The following GPATCH2 variants were observed in gnomAD, a reference collection of about 807,000 sequenced individuals.
The protein encoded by GPATCH2 is G patch domain-containing protein 2.
A neutral mutation model predicts 58.0 loss-of-function variants in GPATCH2; 51 were observed. The observed-to-expected ratio is 0.88, with a 90% CI of 0.70 to 1.11. The LOEUF (loss-of-function observed/expected upper bound fraction) is 1.11. Ranked by LOEUF, GPATCH2 falls within the 50% of genes most tolerant of loss-of-function variation. GPATCH2 has a pLI of 0.00. For synonymous variants in GPATCH2, 222 were observed against 218.5 expected, an observed-to-expected ratio of 1.02 and a Z score of -0.14; for missense variants, 625 against 652.2, an observed-to-expected ratio of 0.96 and a Z score of 0.45.
In GPATCH2 at chr1:217,431,236, G is replaced by T; in HGVS notation, c.1496C>A (p.Ala499Asp). ...DGKGISEPIQ[A>D]MQRPKGLGLG... is the part of the protein sequence containing the mutation. ...TCCTAATCCCTTTGGCCTCTGCATGGCTTGAATTGGCTCAGAGATCCCCTT... is the reference window on the plus strand; with the variant it reads ...TCCTAATCCCTTTGGCCTCTGCATGTCTTGAATTGGCTCAGAGATCCCCTT... The change falls in exon 10 of 10, where the codon GCC becomes GAC. Residue 499 changes from alanine (A) to aspartate (D), a missense_variant. Transcript: ENST00000366935. The T allele has an allele frequency of 5.0e-6, 8 of 1,610,008 alleles. No individual in the cohort carries two copies. The highest frequency in any genetic ancestry group is 6.8e-6 in the Non-Finnish European group (8 of 1,176,228).
chr1:217,449,517 T>C (rs544933361), intron 8 of GPATCH2, among the ~76,000 whole-genome samples, 180 bp from the exon 9 acceptor site: 1 of 152,346 alleles, frequency 6.6e-6, no homozygotes, highest in Non-Finnish European at 1.5e-5. Context: ...GTTCAGCAGC[T>C]AAATGCGCCA....
At chr1:217,443,401 C>T (rs1011109085) in intron 9 of GPATCH2, among the ~76,000 whole-genome samples, 10 of 152,054 alleles carry the variant, frequency 6.6e-5, no homozygotes, top group African/African-American at 7.2e-5. Flanking sequence ...AGTTTGCTAC[C>T]GGTACAATTT....
At chr1:217,612,766 G>T (rs1336578881) in intron 3 of GPATCH2, among the ~76,000 whole-genome samples, 2 of 152,082 alleles carry the variant, frequency 1.3e-5, no homozygotes, top group African/African-American at 4.8e-5. Flanking sequence ...CATTGATTAA[G>T]AACTTGCTCT....
chr1:217,583,496 G>C (rs1399549737), intron 5 of GPATCH2, among the ~76,000 whole-genome samples: 1 of 150,830 alleles, frequency 6.6e-6, no homozygotes, highest in Non-Finnish European at 1.5e-5. Flanking sequence ...GCATGAACCT[G>C]GGAGGCAGAG....
Position 217,611,034 on chromosome 1 carries a change from T to C in GPATCH2, c.873A>G (p.Glu291=), listed in dbSNP as rs377688082. 2.0e-4 allele frequency: 326 copies of C among 1,613,606 alleles called. No individual in the cohort carries two copies. Among genetic ancestry groups the C allele is most frequent in the Non-Finnish European group, 2.7e-4 (315 of 1,179,774 alleles). Residue 291 remains glutamate (E), a synonymous_variant, in exon 4 of 10, where the codon GAA becomes GAG. Transcript: ENST00000366935. ...CAGTGATACCACATGCTCCACCTGA[T>C]TCCTTTTCGTAGAACCAGTCACTCT... ...DEQSDWFYEK[E]SGGACGITGV...
chr1:217,609,236 C>A (rs1571647961), intron 5 of GPATCH2: 19 of 983,958 alleles, frequency 1.9e-5, no homozygotes, highest in Non-Finnish European at 2.3e-5. Flanking sequence ...TGAGCTCATG[C>A]AAGTATTTCT....
At chr1:217,465,648 A>G (rs1453568271) in intron 8 of GPATCH2, among the ~76,000 whole-genome samples, 2 of 152,164 alleles carry the variant, frequency 1.3e-5, no homozygotes, top group African/African-American at 4.8e-5. Flanking sequence ...TGCCGCCAAC[A>G]TGTAAGAACT....
intron 8 of GPATCH2, among the ~76,000 whole-genome samples, chr1:217,462,513 C>CA (rs1348455277): frequency 2.1e-4 from 31 of 148,006 alleles, no homozygotes; most frequent in Admixed American, 8.0e-4. Flanking sequence ...GACTAAAAAA[C>CA]AAAAAAAAGA....
chr1:217,534,248 T>C (rs1310363470), intron 5 of GPATCH2, among the ~76,000 whole-genome samples: 1 of 151,956 alleles, frequency 6.6e-6, no homozygotes, highest in African/African-American at 2.4e-5. Context: ...ATAAAAAGAT[T>C]CTTACAGTTC....
chr1:217,491,045 G>C, intron 8 of GPATCH2, among the ~76,000 whole-genome samples: 1 of 152,170 alleles, frequency 6.6e-6, no homozygotes, highest in Non-Finnish European at 1.5e-5. Flanking sequence ...GCTGAGGTCA[G>C]TTATCTGTTC....
At chr1:217,623,088 A>G (rs1669277451) in intron 1 of GPATCH2, among the ~76,000 whole-genome samples, 1 of 152,176 alleles carries the variant, frequency 6.6e-6, no homozygotes, top group Non-Finnish European at 1.5e-5. Context: ...CTCTGAATAT[A>G]ATATTGCACC....
intron 7 of GPATCH2, among the ~76,000 whole-genome samples, chr1:217,493,483 G>C (rs976214715): frequency 3.3e-5 from 5 of 151,992 alleles, no homozygotes; most frequent in Non-Finnish European, 7.4e-5. Context: ...TTCATGCACT[G>C]TGTCTGGAGC....
chr1:217,619,968 A>T lies in GPATCH2; in HGVS notation c.588T>A (p.Asp196Glu), dbSNP rs775211320. 6 of 1,613,982 alleles carry T rather than the reference A, an allele frequency of 3.7e-6. No individual in the cohort carries two copies. The highest frequency in any genetic ancestry group is 5.1e-6 in the Non-Finnish European group (6 of 1,179,978). ...TAAATTCTTGATACTGGTAGGCTCT[A>T]TCACTGTCCATGTCCTGATCTCTAC... The part of the protein sequence containing the change: ...EGCRDQDMDS[D>E]RAYQYQEFTK... The change falls in exon 2 of 10, where the codon GAT becomes GAA. Residue 196 changes from aspartate (D) to glutamate (E), a missense_variant. Asp to Glu is a conservative substitution (Grantham distance 45, BLOSUM62 2). Coordinates refer to ENST00000366935, the MANE Select transcript of GPATCH2 (RefSeq NM_018040.5).
chr1:217,573,071 T>C (rs1394972337), intron 5 of GPATCH2, among the ~76,000 whole-genome samples: 1 of 152,198 alleles, frequency 6.6e-6, no homozygotes, highest in African/African-American at 2.4e-5. Context: ...TACAATATGC[T>C]TTTTAAGCAA....
At chr1:217,502,175 T>C (rs1662340835) in intron 6 of GPATCH2, among the ~76,000 whole-genome samples, 1 of 152,072 alleles carries the variant, frequency 6.6e-6, no homozygotes, top group African/African-American at 2.4e-5. Context: ...CTTTGTTCTT[T>C]TTAAAAAAAT....
chr1:217,513,607 A>T (rs953853367), intron 6 of GPATCH2, among the ~76,000 whole-genome samples: 1 of 152,178 alleles, frequency 6.6e-6, no homozygotes, highest in Non-Finnish European at 1.5e-5. Context: ...AGCTTTTCCA[A>T]CAAAGATGTA....
chr1:217,434,744 T>C (rs1658731164), intron 9 of GPATCH2, among the ~76,000 whole-genome samples: 1 of 152,184 alleles, frequency 6.6e-6, no homozygotes, highest in Non-Finnish European at 1.5e-5. Flanking sequence ...GAACAGCAAA[T>C]GATAATTGAT....
chr1:217,578,363 C>T (rs1666908376), intron 5 of GPATCH2, among the ~76,000 whole-genome samples: 2 of 152,140 alleles, frequency 1.3e-5, no homozygotes, highest in African/African-American at 4.8e-5. Flanking sequence ...GATCCTCCCA[C>T]CTCAGCCTCC....
At chr1:217,577,972 C>T (rs573643181) in intron 5 of GPATCH2, among the ~76,000 whole-genome samples, 1 of 151,582 alleles carries the variant, frequency 6.6e-6, no homozygotes, top group East Asian at 2.0e-4. Context: ...GTCTCGAACT[C>T]CCAACCTCAG....
Sources: gnomAD v4.1 joint callset for allele counts (sites outside exome capture counted in the v4.1 genomes callset) on GRCh38, gnomAD v4.1.1 for gene constraint, MANE v1.5 for transcripts, NCBI Gene and HGNC (gene_info 2026-07-23, HGNC 2026-07-21) for gene names.